Variants in STYK1 observed in about 807,000 individuals in gnomAD.
STYK1 encodes tyrosine-protein kinase STYK1.
A neutral mutation model predicts 48.1 loss-of-function variants in STYK1; 46 were observed. The observed-to-expected ratio is 0.96, with a 90% CI of 0.75 to 1.22. STYK1 has a LOEUF of 1.22. Ranked by LOEUF, STYK1 falls within the 50% of genes most tolerant of loss-of-function variation. The pLI, the probability that STYK1 is intolerant of heterozygous loss-of-function variation, is 0.00. For missense variants in STYK1, 527 were observed against 521.1 expected, an observed-to-expected ratio of 1.01 and a Z score of -0.11; for synonymous variants, 188 against 189.0, an observed-to-expected ratio of 0.99 and a Z score of 0.04.
intron 1 of STYK1, among the ~76,000 whole-genome samples, chr12:10,658,785 C>G (rs1337277413): frequency 6.6e-6 from 1 of 152,040 alleles, no homozygotes; most frequent in African/African-American, 2.4e-5. Flanking sequence ...TTATGTGTCC[C>G]AAAATTATGG....
intron 10 of STYK1, among the ~76,000 whole-genome samples, chr12:10,621,014 C>T (rs1289287478): frequency 1.3e-5 from 2 of 152,064 alleles, no homozygotes; most frequent in Non-Finnish European, 2.9e-5. Context: ...TGTGTATACT[C>T]ATATATAATT....
chr12:10,673,939 G>A (rs1192122486), intron 1 of STYK1, 27 bp downstream of exon 1: 1 of 148,636 alleles, frequency 6.7e-6, no homozygotes, highest in Non-Finnish European at 1.5e-5. Flanking sequence ...TCCCCGCCGC[G>A]CCCGCCCCCC....
At chr12:10,648,024 C>A (rs1341838876) in intron 1 of STYK1, among the ~76,000 whole-genome samples, 1 of 152,124 alleles carries the variant, frequency 6.6e-6, no homozygotes, top group Non-Finnish European at 1.5e-5. Context: ...GACTAATACA[C>A]CACTCCTCTT....
At chr12:10,625,818 C>A (rs1947353000) in intron 7 of STYK1, among the ~76,000 whole-genome samples, 2 of 152,118 alleles carry the variant, frequency 1.3e-5, no homozygotes, top group South Asian at 4.1e-4. Flanking sequence ...AAGATTTTCA[C>A]CCCAGATTTA....
rs562210381 is a variant in STYK1 at position 10,628,776 on chromosome 12, C to T, written c.633+717G>A. ...TTCTGAATGCTTTAATTTTAAAAAA[C>T]GTGAGTTTGAGCTACAAAAGCTTTA... On this transcript the variant is annotated intron_variant, in intron 6 of 10. Transcript: ENST00000075503. Among the ~76,000 whole-genome samples the T allele has an allele frequency of 5.3e-5, 8 of 152,286 alleles. No homozygotes were observed. In the South Asian group the frequency reaches 1.5e-3, roughly 28 times the overall value.
At position 10,620,343 on chromosome 12, in the gene STYK1, C is replaced by A; in HGVS notation, c.1070G>T (p.Ser357Ile). ...RPSSCTHTMY[S>I]IMKSCWRWRE... is the part of the protein sequence containing the mutation. The stretch of plus-strand genomic sequence containing the variant: ...CCAGCGCCAGCAGGACTTCATGATA[C>A]TGTACCTGAGAGGGAAACAAGAGAA... The change falls in exon 11 of 11, where the codon AGT (serine) becomes ATT (isoleucine). Residue 357 changes from serine (S) to isoleucine (I), a missense_variant. Physicochemically the swap from Ser to Ile is moderately radical, Grantham distance 142 (BLOSUM62 -2). Transcript: ENST00000075503. 3 of 1,612,830 alleles carry A rather than the reference C, an allele frequency of 1.9e-6. No homozygotes were observed. Among genetic ancestry groups the A allele is most frequent in the Non-Finnish European group, 2.5e-6 (3 of 1,180,024 alleles).
chr12:10,630,955 C>A, intron 5 of STYK1, 90 bp downstream of exon 5: 1 of 1,511,218 alleles, frequency 6.6e-7, no homozygotes, highest in African/African-American at 1.4e-5. Flanking sequence ...GTTATGATCA[C>A]AACTATCTGT....
At chr12:10,627,791 G>A (rs1947376343) in intron 6 of STYK1, 67 bp from the exon 7 acceptor site, 5 of 1,360,124 alleles carry the variant, frequency 3.7e-6, no homozygotes, top group Non-Finnish European at 5.1e-6. Context: ...AAGAAATAAA[G>A]TTGGGCAGAG....
intron 7 of STYK1, among the ~76,000 whole-genome samples, chr12:10,627,202 T>A (rs1947368514): frequency 6.6e-6 from 1 of 152,200 alleles, no homozygotes; most frequent in Admixed American, 6.5e-5. Context: ...TTCTCAGGTA[T>A]AAAATTGCAT....
At chr12:10,622,769 C>T in intron 8 of STYK1, 91 bp from the exon 9 acceptor site, 4 of 1,478,110 alleles carry the variant, frequency 2.7e-6, no homozygotes, top group Non-Finnish European at 3.7e-6. Context: ...AATAAGAGCC[C>T]CATGAAAAAG....
chr12:10,666,104 A>C (rs1947831074), intron 1 of STYK1, among the ~76,000 whole-genome samples: 1 of 152,176 alleles, frequency 6.6e-6, no homozygotes, highest in South Asian at 2.1e-4. Flanking sequence ...GTGGTACTAA[A>C]TTTGGGCCCA....
At chr12:10,664,467 C>G (rs540892256) in intron 1 of STYK1, among the ~76,000 whole-genome samples, 1 of 152,280 alleles carries the variant, frequency 6.6e-6, no homozygotes, top group South Asian at 2.1e-4. Context: ...TGTAAAGATG[C>G]TAGTACATCT....
chr12:10,660,088 C>G (rs1947759857), intron 1 of STYK1, among the ~76,000 whole-genome samples: 1 of 152,208 alleles, frequency 6.6e-6, no homozygotes, highest in African/African-American at 2.4e-5. Flanking sequence ...CACATATCAT[C>G]TTGGTTCTAA....
At chr12:10,646,297 A>T (rs1431116710) in intron 1 of STYK1, among the ~76,000 whole-genome samples, 3 of 152,202 alleles carry the variant, frequency 2.0e-5, no homozygotes, top group Non-Finnish European at 4.4e-5. Flanking sequence ...TGAACAATGA[A>T]ATCCAGGCTG....
chr12:10,645,294 G>T (rs569534353), intron 1 of STYK1, among the ~76,000 whole-genome samples: 1 of 152,154 alleles, frequency 6.6e-6, no homozygotes, highest in South Asian at 2.1e-4. Flanking sequence ...AGGATGTGGA[G>T]AAAATGTGTT....
In STYK1 at chr12:10,643,954, G is replaced by A. The variant is rs1021399775; in HGVS notation, c.-194-6758C>T. On this transcript the variant is annotated intron_variant, in intron 1 of 10. Coordinates refer to ENST00000075503, the MANE Select transcript of STYK1 (RefSeq NM_018423.3). ...GAAGTGCTTTAAATAGAGTGACATG[G>A]TCCATTTTGTATTTTAGAAAAAAAA... is the stretch of plus-strand genomic sequence containing the variant. Among the ~76,000 whole-genome samples the A allele has an allele frequency of 1.8e-3, 209 of 119,092 alleles. 5 individuals are homozygous for A. Among genetic ancestry groups the A allele is most frequent in the East Asian group, 1.5e-3 (6 of 3,986 alleles). 78.1% of individuals were successfully genotyped at this position (119,092 alleles called of 152,430 possible). A position where few individuals can be genotyped will look rare whatever the true frequency, so the allele number is the denominator to read the frequency against.
At chr12:10,625,211 TTTG>T (rs1947342953) in intron 7 of STYK1, among the ~76,000 whole-genome samples, 5 of 29,988 alleles carry the variant, frequency 1.7e-4, no homozygotes, top group South Asian at 1.5e-3. Flanking sequence ...TCTTTTTTTG[TTTG>T]TTTGTTTGTT....
chr12:10,619,928 G>C lies in STYK1; in HGVS notation c.*216C>G, dbSNP rs1010795228. On this transcript the variant is annotated 3_prime_UTR_variant, in exon 11 of 11. Coordinates refer to ENST00000075503, the MANE Select transcript of STYK1 (RefSeq NM_018423.3). Reference sequence around the variant, plus strand: ...CTTCTACCCAGGATTTCTAGGACTGGGACAGCAGAAGTGAGACTGACAGTA... The same window carrying C: ...CTTCTACCCAGGATTTCTAGGACTGCGACAGCAGAAGTGAGACTGACAGTA... 1 of 613,876 alleles carries C rather than the reference G, an allele frequency of 1.6e-6. No homozygotes were observed. Among genetic ancestry groups the C allele is most frequent in the African/African-American group, 1.8e-5 (1 of 54,134 alleles). 38.0% of individuals were successfully genotyped at this position (613,876 alleles called of 1,614,324 possible).
At chr12:10,656,101 G>A (rs2120765116) in intron 1 of STYK1, among the ~76,000 whole-genome samples, 1 of 152,244 alleles carries the variant, frequency 6.6e-6, no homozygotes, top group South Asian at 2.1e-4. Flanking sequence ...TGCTGTTCTT[G>A]TGATACTGAA....
Sources: allele counts gnomAD v4.1 joint callset (sites outside exome capture counted in the v4.1 genomes callset), GRCh38; gene constraint gnomAD v4.1.1; transcripts MANE v1.5; gene names NCBI Gene and HGNC (gene_info 2026-07-23, HGNC 2026-07-21).